Variants in CSMD1 observed in about 807,000 individuals in gnomAD.
CSMD1 encodes the protein CUB and sushi domain-containing protein 1.
In CSMD1, 213 loss-of-function variants were observed where a neutral mutation model predicts 417.5. The observed-to-expected ratio is 0.51, with a 90% CI of 0.46 to 0.57. CSMD1 has a LOEUF of 0.57. CSMD1 is among the 20% of genes least tolerant of loss of function. The pLI is 0.00. For missense variants in CSMD1, 6,923 were observed against 4,529.7 expected, an observed-to-expected ratio of 1.53 and a Z score of -15.17; for synonymous variants, 2,862 against 1,736.8, an observed-to-expected ratio of 1.65 and a Z score of -16.11.
intron 1 of CSMD1, among the ~76,000 whole-genome samples, chr8:4,661,095 A>G (rs1480986960): frequency 6.6e-6 from 1 of 152,176 alleles, no homozygotes; most frequent in Non-Finnish European, 1.5e-5. Flanking sequence ...ACTATCATAC[A>G]ACCTACCAAT....
intron 41 of CSMD1, chr8:3,128,877 C>A: frequency 2.2e-6 from 1 of 455,396 alleles, no homozygotes; most frequent in South Asian, 1.6e-5. Flanking sequence ...CATGGGAAAG[C>A]AGGACCAATG....
chr8:3,932,948 T>A (rs113824330), intron 5 of CSMD1, among the ~76,000 whole-genome samples: 1 of 150,338 alleles, frequency 6.7e-6, no homozygotes, highest in Non-Finnish European at 1.5e-5. Context: ...TAAAAGTGTA[T>A]GTGAATTTTT....
chr8:4,272,041 G>C (rs56372551), intron 3 of CSMD1, among the ~76,000 whole-genome samples: 46,034 of 151,948 alleles, frequency 0.3, 8,791 homozygotes, highest in Non-Finnish European at 0.42. Context: ...GAAAAAAATT[G>C]CATGTAAGTA....
intron 21 of CSMD1, among the ~76,000 whole-genome samples, chr8:3,354,132 T>C (rs994562289): frequency 6.6e-6 from 1 of 152,218 alleles, no homozygotes; most frequent in Non-Finnish European, 1.5e-5. Flanking sequence ...TAACTATTTA[T>C]TTAATTATTT....
At chr8:3,909,697 G>T (rs1351810995) in intron 5 of CSMD1, among the ~76,000 whole-genome samples, 1 of 152,190 alleles carries the variant, frequency 6.6e-6, no homozygotes, top group East Asian at 1.9e-4. Flanking sequence ...TTCCTCCTTC[G>T]AAATTCTTGC....
At chr8:4,683,991 C>A (rs565858521) in intron 1 of CSMD1, among the ~76,000 whole-genome samples, 4 of 152,286 alleles carry the variant, frequency 2.6e-5, no homozygotes, top group African/African-American at 4.8e-5. Context: ...TATTCAGTAT[C>A]ACTGACTGAG....
At chr8:3,293,126 CTTTCT>C (rs1334628170) in intron 25 of CSMD1, among the ~76,000 whole-genome samples, 1 of 139,044 alleles carries the variant, frequency 7.2e-6, no homozygotes, top group Non-Finnish European at 1.6e-5. Flanking sequence ...GTTGAAAATT[CTTTCT>C]TTTAAGAATG....
At chr8:4,690,867 T>G (rs1186172784) in intron 1 of CSMD1, among the ~76,000 whole-genome samples, 3 of 152,172 alleles carry the variant, frequency 2.0e-5, no homozygotes, top group Admixed American at 6.5e-5. Context: ...CAGCTGGGAC[T>G]ATAGGTGCAT....
rs139816574 is a variant in CSMD1 at position 4,339,492 on chromosome 8, C to G, written c.415+80461G>C. 5.9e-5 allele frequency among the ~76,000 whole-genome samples: 9 copies of G among 152,014 alleles called. 1 individual carries two copies. The highest frequency in any genetic ancestry group is 5.9e-5 in the Non-Finnish European group (4 of 67,988). On this transcript the variant is annotated intron_variant, in intron 3 of 69. Coordinates refer to ENST00000635120, the MANE Select transcript of CSMD1 (RefSeq NM_033225.6). ...GAAATGAGATACTGGAGCTGAGTGA[C>G]AAAGAGTTTAAATTTATAAGACTTC... is the stretch of plus-strand genomic sequence containing the variant.
intron 4 of CSMD1, among the ~76,000 whole-genome samples, chr8:4,003,893 T>C (rs1022537531): frequency 1.3e-5 from 2 of 152,152 alleles, no homozygotes; most frequent in Non-Finnish European, 2.9e-5. Flanking sequence ...TTTTTGTTCC[T>C]CTTTCACAGC....
At chr8:3,974,901 T>G (rs905510200) in intron 5 of CSMD1, among the ~76,000 whole-genome samples, 1 of 152,306 alleles carries the variant, frequency 6.6e-6, no homozygotes, top group East Asian at 1.9e-4. Flanking sequence ...ACATATATTT[T>G]TATCTACTAC....
rs573159068 is a variant in CSMD1 at position 4,131,279 on chromosome 8, A to G, written c.416-99180T>C. Among the ~76,000 whole-genome samples the G allele has an allele frequency of 3.7e-3, 557 of 152,184 alleles. 4 individuals are homozygous for G. The highest frequency in any genetic ancestry group is 5.7e-3 in the Non-Finnish European group (387 of 68,016). On this transcript the variant is annotated intron_variant, in intron 3 of 69. Transcript: ENST00000635120. ...GTAGGAGATGAACTGTAGGAACTGA[A>G]GAGGCTGAATCTACACAGAGCTTCC...
intron 1 of CSMD1, among the ~76,000 whole-genome samples, chr8:4,816,001 A>T (rs1799184602): frequency 6.6e-6 from 1 of 152,130 alleles, no homozygotes; most frequent in Non-Finnish European, 1.5e-5. Context: ...AAAAGTACAA[A>T]AATGTCACGC....
chr8:4,488,540 T>G (rs534795335), intron 2 of CSMD1, among the ~76,000 whole-genome samples: 1 of 152,232 alleles, frequency 6.6e-6, no homozygotes, highest in East Asian at 1.9e-4. Context: ...GTTTTTAAAC[T>G]GGTGGAGTCG....
chr8:4,316,948 C>G (rs1039570953), intron 3 of CSMD1, among the ~76,000 whole-genome samples: 1 of 151,410 alleles, frequency 6.6e-6, no homozygotes, highest in African/African-American at 2.4e-5. Context: ...TGCCACATGT[C>G]AGATTCATAC....
intron 26 of CSMD1, among the ~76,000 whole-genome samples, chr8:3,283,387 T>A (rs1455299478): frequency 6.6e-6 from 1 of 152,152 alleles, no homozygotes. Context: ...CACACCTGTC[T>A]TGCATCCAAG....
chr8:3,305,203 C>T (rs1488880770), intron 25 of CSMD1, among the ~76,000 whole-genome samples: 2 of 152,148 alleles, frequency 1.3e-5, no homozygotes, highest in African/African-American at 4.8e-5. Flanking sequence ...TCCATAGAAA[C>T]ATGCCTTCAT....
chr8:3,011,824 C>A (rs1314051884), intron 52 of CSMD1, among the ~76,000 whole-genome samples: 1 of 152,208 alleles, frequency 6.6e-6, no homozygotes, highest in Non-Finnish European at 1.5e-5. Context: ...AGACCACAAA[C>A]TATAACCTCT....
intron 1 of CSMD1, among the ~76,000 whole-genome samples, chr8:4,684,951 T>C (rs1264930232): frequency 3.3e-5 from 5 of 152,146 alleles, no homozygotes; most frequent in Non-Finnish European, 7.3e-5. Context: ...TCCCAATTGC[T>C]GAAATGGAAG....
Sources: gnomAD v4.1 joint callset for allele counts (sites outside exome capture counted in the v4.1 genomes callset) on GRCh38, gnomAD v4.1.1 for gene constraint, MANE v1.5 for transcripts, NCBI Gene and HGNC (gene_info 2026-07-23, HGNC 2026-07-21) for gene names.